The following BCL7A variants were observed in gnomAD, a reference collection of about 807,000 sequenced individuals.
The protein encoded by BCL7A is BAF chromatin remodeling complex subunit BCL7A.
BCL7A carries 11 observed loss-of-function variants against 28.4 expected under a neutral mutation model. The ratio of observed to expected loss-of-function variants is 0.39; its 90% confidence interval spans 0.24 to 0.64. The LOEUF is 0.64. Among genes scored for constraint, BCL7A ranks in the 30% least tolerant of loss-of-function variants. The pLI, the probability that BCL7A is intolerant of heterozygous loss-of-function variation, is 0.50. For missense variants in BCL7A, 222 were observed against 274.8 expected (o/e 0.81, Z 1.36); for synonymous variants, 123 against 103.3 (o/e 1.19, Z -1.15).
intron 5 of BCL7A, among the ~76,000 whole-genome samples, chr12:122,058,729 C>G (rs1951895305): frequency 2.0e-5 from 3 of 152,148 alleles, no homozygotes; most frequent in Admixed American, 2.0e-4. Context: ...AGCAATGAAT[C>G]ATAGATGGGA....
intron 2 of BCL7A, among the ~76,000 whole-genome samples, chr12:122,034,190 CATAT>C (rs55770934): frequency 2.6e-3 from 250 of 97,062 alleles, no homozygotes; most frequent in East Asian, 5.9e-3. Context: ...CTGCATCTTT[CATAT>C]ATATATATAT....
chr12:122,022,210 G>C (rs775306735), intron 1 of BCL7A, 27 bp downstream of exon 1: 2 of 1,403,976 alleles, frequency 1.4e-6, no homozygotes, highest in South Asian at 2.5e-5. Flanking sequence ...GCCGCCAGCC[G>C]CCTCCCCGGC....
rs1951894622 is a variant in BCL7A, at chr12:122,058,594, G to C, written c.562-498G>C. Among the ~76,000 whole-genome samples the C allele has an allele frequency of 2.0e-5, 3 of 152,300 alleles. No individual in the cohort carries two copies. The South Asian group carries it at 6.2e-4, about 32-fold the overall frequency. On this transcript the variant is annotated intron_variant, in intron 5 of 5. Transcript: ENST00000261822. ...GAATCACTTGAACCCAGGAGGCGGAGGTTGCAGTGAGCCAAGATTGCCCCA... is the reference window on the plus strand; with the variant it reads ...GAATCACTTGAACCCAGGAGGCGGACGTTGCAGTGAGCCAAGATTGCCCCA...
At chr12:122,052,764 C>T (rs1403868901) in intron 4 of BCL7A, among the ~76,000 whole-genome samples, 1 of 146,452 alleles carries the variant, frequency 6.8e-6, no homozygotes, top group Non-Finnish European at 1.5e-5. Context: ...CTCACTGGAA[C>T]CTCCGCCTCC....
At chr12:122,028,260 C>G (rs1409614479) in intron 1 of BCL7A, among the ~76,000 whole-genome samples, 2 of 152,224 alleles carry the variant, frequency 1.3e-5, no homozygotes, top group Non-Finnish European at 2.9e-5. Context: ...GGCACGAAAG[C>G]CTGGCTGCAT....
In BCL7A at chr12:122,035,432, G is replaced by T; in HGVS notation, c.271+5G>T. The T allele has an allele frequency of 6.2e-7, 1 of 1,612,978 alleles. No homozygotes were observed. The highest frequency in any genetic ancestry group is 8.5e-7 in the Non-Finnish European group (1 of 1,179,034). ...CAGGGATGATGGACATGCATGGTGA[G>T]TGCCCATGGCCTGCCAGCCTCTCCT... On this transcript the variant is annotated splice_donor_5th_base_variant and intron_variant, in intron 3 of 5. Coordinates refer to ENST00000261822, the MANE Select transcript of BCL7A (RefSeq NM_001024808.3).
intron 5 of BCL7A, 115 bp downstream of exon 5, chr12:122,055,041 A>G (rs1297933836): frequency 1.3e-6 from 2 of 1,585,122 alleles, no homozygotes; most frequent in Non-Finnish European, 8.6e-7. Context: ...TCGTTGGACC[A>G]TTGGAACTGT....
intron 4 of BCL7A, among the ~76,000 whole-genome samples, chr12:122,048,402 A>C (rs1374843244): frequency 1.3e-5 from 2 of 151,980 alleles, no homozygotes; most frequent in Non-Finnish European, 2.9e-5. Context: ...AAGGGATTGG[A>C]GGGGCCTCCA....
In BCL7A at chr12:122,059,204, A is replaced by C; in HGVS notation, c.*41A>C. ...CTCCGATCCATGTTCCATGGAAGGT[A>C]CATCAGCAATTAATTCTAGAGCAAC... On this transcript the variant is annotated 3_prime_UTR_variant, in exon 6 of 6. Coordinates refer to ENST00000261822, the MANE Select transcript of BCL7A (RefSeq NM_001024808.3). This position sits in a 1 kb window ranked among gnomAD's most constrained non-coding sequence, Gnocchi z 4.0. 3.9e-6 allele frequency: 6 copies of C among 1,558,208 alleles called. No homozygotes were observed. Among genetic ancestry groups the C allele is most frequent in the Non-Finnish European group, 5.3e-6 (6 of 1,130,032 alleles).
intron 1 of BCL7A, among the ~76,000 whole-genome samples, chr12:122,030,298 AC>A (rs1030337163): frequency 7.9e-5 from 12 of 151,956 alleles, no homozygotes; most frequent in Non-Finnish European, 1.8e-4. Flanking sequence ...TGACGACTCC[AC>A]CCCCCATGAG....
Position 122,048,393 on chromosome 12 carries a change from AG to A in BCL7A, c.439+4343del, listed in dbSNP as rs1283467715. 3.9e-5 allele frequency among the ~76,000 whole-genome samples: 6 copies of A among 152,108 alleles called. 1 individual carries two copies. The South Asian group carries it at 1.2e-3, about 32-fold the overall frequency. Reference sequence around the variant, plus strand: ...ACCGCTGTGATGGACACAGTTAAAAAGGGATTGGAGGGGCCTCCAGGAATGC... The same window carrying A: ...ACCGCTGTGATGGACACAGTTAAAAAGGATTGGAGGGGCCTCCAGGAATGC... On this transcript the variant is annotated intron_variant, in intron 4 of 5. Transcript: ENST00000261822.
chr12:122,031,055 C>T (rs1023187725), intron 2 of BCL7A, among the ~76,000 whole-genome samples: 3 of 152,114 alleles, frequency 2.0e-5, no homozygotes, highest in African/African-American at 7.2e-5. Flanking sequence ...GATACAGAGT[C>T]TCACTCTGCC....
intron 2 of BCL7A, 67 bp from the exon 3 acceptor site, chr12:122,035,264 G>A (rs1384919326): frequency 7.1e-7 from 1 of 1,412,586 alleles, no homozygotes; most frequent in Non-Finnish European, 1.0e-6. Context: ...ACTCCCCAGG[G>A]GCTCTGAGCA....
At chr12:122,057,149 G>C (rs569716158) in intron 5 of BCL7A, among the ~76,000 whole-genome samples, 377 of 152,344 alleles carry the variant, frequency 2.5e-3, no homozygotes, top group Non-Finnish European at 4.3e-3. Flanking sequence ...TGTGGCTGGC[G>C]TCAGCAGGGA....
rs1883472185 is a variant in BCL7A, at chr12:122,022,064, C to CT, written c.-28_-27insT. 6.5e-7 allele frequency: 1 copy of CT among 1,533,182 alleles called. No individual in the cohort carries two copies. The allele number at this position is 1,533,182 out of a possible 1,614,324, so 95.0% of individuals were successfully genotyped here. A position where few individuals can be genotyped will look rare whatever the true frequency, so the allele number is the denominator to read the frequency against. ...GCGAGCAGGACCCGGCGGGCGCGCTCCCCAGCCTCCGTCTCCCCGCCGGAA... is the reference window on the plus strand; with the variant it reads ...GCGAGCAGGACCCGGCGGGCGCGCTCTCCCAGCCTCCGTCTCCCCGCCGGAA... On this transcript the variant is annotated 5_prime_UTR_variant, in exon 1 of 6. Transcript: ENST00000261822.
At chr12:122,037,121 C>G (rs530563776) in intron 3 of BCL7A, among the ~76,000 whole-genome samples, 149 of 152,354 alleles carry the variant, frequency 9.8e-4, no homozygotes, top group African/African-American at 3.4e-3. Flanking sequence ...TCCCTCGAGG[C>G]AAGGGCTGCC....
chr12:122,030,942 C>T (rs1275215135), intron 2 of BCL7A, among the ~76,000 whole-genome samples, 161 bp downstream of exon 2: 1 of 152,164 alleles, frequency 6.6e-6, no homozygotes, highest in African/African-American at 2.4e-5. Flanking sequence ...GCTGCTGTAC[C>T]AGTCCCCACC....
At chr12:122,023,516 A>G (rs532386744) in intron 1 of BCL7A, among the ~76,000 whole-genome samples, 2 of 152,274 alleles carry the variant, frequency 1.3e-5, no homozygotes, top group Admixed American at 6.5e-5. Context: ...AGGCAAGAGG[A>G]AAATCAATAA....
intron 1 of BCL7A, among the ~76,000 whole-genome samples, chr12:122,030,152 T>C (rs1050559500): frequency 6.6e-6 from 1 of 152,158 alleles, no homozygotes; most frequent in African/African-American, 2.4e-5. Flanking sequence ...AGGTCACCAC[T>C]CCCTGGCTCT....
Sources: gnomAD v4.1 joint callset for allele counts (sites outside exome capture counted in the v4.1 genomes callset) on GRCh38, gnomAD v4.1.1 for gene constraint, Gnocchi (gnomAD v3.1) non-coding constraint, MANE v1.5 for transcripts, NCBI Gene and HGNC (gene_info 2026-07-23, HGNC 2026-07-21) for gene names.